MYO3B: variants seen among roughly 807,000 people sequenced by gnomAD.
MYO3B encodes myosin-IIIb.
MYO3B carries 156 observed loss-of-function variants against 174.6 expected under a neutral mutation model. The ratio of observed to expected loss-of-function variants is 0.89; its 90% CI spans 0.78 to 1.02. The LOEUF (loss-of-function observed/expected upper bound fraction) is 1.02. Ranked by LOEUF, MYO3B falls within the 50% of genes least tolerant of loss-of-function variation. The pLI is 0.00. For missense variants in MYO3B, 1,632 were observed against 1,639.4 expected (o/e 1.00, Z 0.08); for synonymous variants, 563 against 569.1 (o/e 0.99, Z 0.15).
Position 170,400,849 on chromosome 2 carries a change from G to A in MYO3B, c.1918+535G>A, listed in dbSNP as rs1200142925. ...GCAGTGTTTTTTTCTTTTTTTTTTC[G>A]AGGCGGAGTCTCGCTCTGTCTCCCA... On this transcript the variant is annotated intron_variant, in intron 17 of 34. Transcript: ENST00000408978. 4.2e-5 allele frequency among the ~76,000 whole-genome samples: 6 copies of A among 142,894 alleles called. No individual in the cohort carries two copies. The East Asian group carries it at 8.8e-4, about 21-fold the overall frequency. 93.7% of individuals were successfully genotyped at this position (142,894 alleles called of 152,430 possible). A position where few individuals can be genotyped will look rare whatever the true frequency, so the allele number is the denominator to read the frequency against.
At chr2:170,188,062 G>A (rs1384557249) in intron 1 of MYO3B, among the ~76,000 whole-genome samples, 2 of 152,092 alleles carry the variant, frequency 1.3e-5, no homozygotes, top group African/African-American at 4.8e-5. Context: ...CTTAAAGTGA[G>A]GTGTTGAAGT....
intron 7 of MYO3B, among the ~76,000 whole-genome samples, chr2:170,299,364 A>T (rs1376619822): frequency 6.6e-6 from 1 of 152,192 alleles, no homozygotes; most frequent in Non-Finnish European, 1.5e-5. Context: ...TGCTCCCTGG[A>T]CATTGCCACT....
intron 1 of MYO3B, among the ~76,000 whole-genome samples, chr2:170,191,232 C>T (rs1361412479): frequency 6.6e-6 from 1 of 151,680 alleles, no homozygotes; most frequent in Admixed American, 6.6e-5. Flanking sequence ...TTACTCTTCC[C>T]TCTCCTCTCC....
chr2:170,248,851 C>A (rs1259376827), intron 7 of MYO3B, among the ~76,000 whole-genome samples: 1 of 152,218 alleles, frequency 6.6e-6, no homozygotes, highest in Non-Finnish European at 1.5e-5. Context: ...AACATATTCA[C>A]AGGTTCTGGG....
chr2:170,633,649 G>A (rs991442329), intron 32 of MYO3B, among the ~76,000 whole-genome samples: 13 of 152,228 alleles, frequency 8.5e-5, no homozygotes, highest in African/African-American at 3.1e-4. Context: ...AGAAAGAAAC[G>A]GTATTCAGTT....
chr2:170,326,950 A>G (rs1247325506), intron 7 of MYO3B, among the ~76,000 whole-genome samples: 1 of 152,248 alleles, frequency 6.6e-6, no homozygotes, highest in Non-Finnish European at 1.5e-5. Context: ...CCTGTCACTT[A>G]CTGACTATAG....
chr2:170,569,673 C>A (rs1021713746), intron 32 of MYO3B, among the ~76,000 whole-genome samples: 1 of 151,384 alleles, frequency 6.6e-6, no homozygotes, highest in African/African-American at 2.4e-5. Context: ...ACCAGCCTGG[C>A]CAACATGGTG....
intron 5 of MYO3B, among the ~76,000 whole-genome samples, chr2:170,216,062 G>C (rs1211803164): frequency 6.6e-6 from 1 of 152,188 alleles, no homozygotes; most frequent in Non-Finnish European, 1.5e-5. Flanking sequence ...GGTAAAATGG[G>C]AAATTATCTA....
chr2:170,504,624 T>G (rs1321691319), intron 28 of MYO3B, among the ~76,000 whole-genome samples: 1 of 152,212 alleles, frequency 6.6e-6, no homozygotes, highest in Non-Finnish European at 1.5e-5. Flanking sequence ...GTCAGGGTAT[T>G]AACCTTCCCA....
intron 7 of MYO3B, among the ~76,000 whole-genome samples, chr2:170,286,409 G>A (rs2093556656): frequency 6.6e-6 from 1 of 152,022 alleles, no homozygotes; most frequent in Non-Finnish European, 1.5e-5. Flanking sequence ...TGGGGCAGTT[G>A]GTTTCCATCT....
At chr2:170,591,041 T>A (rs1693791797) in intron 32 of MYO3B, among the ~76,000 whole-genome samples, 1 of 152,220 alleles carries the variant, frequency 6.6e-6, no homozygotes, top group African/African-American at 2.4e-5. Context: ...TCTCAACGTT[T>A]AAAAGTGAAC....
intron 32 of MYO3B, among the ~76,000 whole-genome samples, chr2:170,584,804 A>C (rs934305389): frequency 2.6e-5 from 4 of 152,234 alleles, no homozygotes; most frequent in Admixed American, 1.3e-4. Flanking sequence ...CTAATGAGTT[A>C]TTTTTAGGCT....
intron 7 of MYO3B, among the ~76,000 whole-genome samples, chr2:170,288,353 T>A (rs1559361633): frequency 6.6e-6 from 1 of 152,086 alleles, no homozygotes; most frequent in Non-Finnish European, 1.5e-5. Context: ...TTCCAATCCA[T>A]GAGCAGGGAG....
At chr2:170,404,497 T>G (rs1438443259) in intron 20 of MYO3B, 97 bp downstream of exon 20, 14 of 1,267,264 alleles carry the variant, frequency 1.1e-5, no homozygotes, top group Non-Finnish European at 1.5e-5. Flanking sequence ...TTACATATTT[T>G]GTTTATATGG....
intron 32 of MYO3B, among the ~76,000 whole-genome samples, chr2:170,556,719 A>G (rs1176293236): frequency 6.6e-6 from 1 of 152,062 alleles, no homozygotes; most frequent in African/African-American, 2.4e-5. Flanking sequence ...ACGGGGTTTC[A>G]CCATGTTAGC....
chr2:170,231,694 A>G (rs2093017875), intron 6 of MYO3B, among the ~76,000 whole-genome samples: 1 of 152,238 alleles, frequency 6.6e-6, no homozygotes, highest in South Asian at 2.1e-4. Context: ...ATAGACCTTA[A>G]GACCTTCTAC....
intron 25 of MYO3B, among the ~76,000 whole-genome samples, chr2:170,476,973 G>A (rs1685355259): frequency 1.3e-5 from 2 of 152,100 alleles, no homozygotes; most frequent in Non-Finnish European, 2.9e-5. Flanking sequence ...TCTATTAAAT[G>A]TTTCTTTCTT....
At position 170,369,399 on chromosome 2, in the gene MYO3B, T is replaced by G. The variant is rs776777417; in HGVS notation, c.971+22T>G. On this transcript the variant is annotated intron_variant, in intron 9 of 34. Transcript: ENST00000408978. ...CCAGGTACTGTACTCTCTTTCTTCT[T>G]TCTCCCTGTGGTTGTTTATAAAAAT... 2.9e-5 allele frequency: 47 copies of G among 1,601,868 alleles called. 1 individual carries two copies.
At chr2:170,479,903 T>G (rs998788169) in intron 25 of MYO3B, among the ~76,000 whole-genome samples, 13 of 148,736 alleles carry the variant, frequency 8.7e-5, no homozygotes, top group Admixed American at 3.4e-4. Flanking sequence ...AGGTTTAACA[T>G]ATTTTATAGG....
Sources: gnomAD v4.1 joint callset for allele counts (sites outside exome capture counted in the v4.1 genomes callset) on GRCh38, gnomAD v4.1.1 for gene constraint, MANE v1.5 for transcripts, NCBI Gene and HGNC (gene_info 2026-07-23, HGNC 2026-07-21) for gene names.